ZNF610: variants seen among roughly 807,000 people sequenced by gnomAD.
ZNF610 encodes the protein zink finger protein.
In ZNF610, 14 loss-of-function variants were observed where a neutral mutation model predicts 14.1. The observed-to-expected ratio is 0.99, with a 90% CI of 0.65 to 1.55. ZNF610 has a LOEUF of 1.55. ZNF610 is among the 40% of genes most tolerant of loss of function. The pLI is 0.00. For missense variants in ZNF610, 530 were observed against 558.0 expected (o/e 0.95, Z 0.51); for synonymous variants, 185 against 187.6 (o/e 0.99, Z 0.11).
chr19:52,347,235 C>G (rs1413219667), intron 1 of ZNF610: 1 of 152,126 alleles, frequency 6.6e-6, no homozygotes, highest in Non-Finnish European at 1.5e-5. Flanking sequence ...TGGTCCCCAC[C>G]CTGTGTAGGC....
rs1178952392 is a variant in ZNF610 at position 52,366,979 on chromosome 19, A to G, written c.*212A>G. 2 of 500,326 alleles carry G rather than the reference A, an allele frequency of 4.0e-6. No individual in the cohort carries two copies. The highest frequency in any genetic ancestry group is 6.9e-6 in the Non-Finnish European group (2 of 288,512). 31.0% of individuals were successfully genotyped at this position (500,326 alleles called of 1,614,324 possible). On this transcript the variant is annotated 3_prime_UTR_variant, in exon 6 of 6. Coordinates refer to ENST00000403906, the MANE Select transcript of ZNF610 (RefSeq NM_001161425.2). ...ATAAAGAGAGAACAGTTATATCAGAATAGAGCATTTAATGAAAACTACCAG... is the reference window on the plus strand; with the variant it reads ...ATAAAGAGAGAACAGTTATATCAGAGTAGAGCATTTAATGAAAACTACCAG...
chr19:52,331,225 G>A, the ZNF610 span, among the ~76,000 whole-genome samples: 25 of 152,182 alleles, frequency 1.6e-4, no homozygotes, highest in African/African-American at 6.0e-4. Flanking sequence ...TTGATAGGAT[G>A]TGATAAAAAT....
chr19:52,336,336 C>A lies in ZNF610; in HGVS notation c.-428C>A. 3.5e-6 allele frequency: 1 copy of A among 288,348 alleles called. No individual in the cohort carries two copies. Among genetic ancestry groups the A allele is most frequent in the Non-Finnish European group, 6.5e-6 (1 of 153,292 alleles). The allele number at this position is 288,348 out of a possible 1,614,324, so 17.9% of individuals were successfully genotyped here. Reference sequence around the variant, plus strand: ...TTCAATCTGGGCTTCCCAGCTCCCCCGCGCTTCTGTACCCGGGATCTGAGA... The same window carrying A: ...TTCAATCTGGGCTTCCCAGCTCCCCAGCGCTTCTGTACCCGGGATCTGAGA... On this transcript the variant is annotated 5_prime_UTR_variant, in exon 1 of 6. Coordinates refer to ENST00000403906, the MANE Select transcript of ZNF610 (RefSeq NM_001161425.2).
intron 2 of ZNF610, 51 bp from the exon 3 acceptor site, chr19:52,349,103 G>T: frequency 2.9e-6 from 4 of 1,357,732 alleles, no homozygotes; most frequent in Non-Finnish European, 4.2e-6. Flanking sequence ...GTGGCATAGG[G>T]AGGGGAATGT....
chr19:52,354,580 A>ATT (rs201439857), intron 5 of ZNF610, among the ~76,000 whole-genome samples: 64 of 123,636 alleles, frequency 5.2e-4, no homozygotes, highest in Admixed American at 8.5e-4. Context: ...AAGCCATACT[A>ATT]TTTTTTTTTT....
At chr19:52,346,325 C>T (rs1024151888) in intron 1 of ZNF610, among the ~76,000 whole-genome samples, 1 of 150,832 alleles carries the variant, frequency 6.6e-6, no homozygotes, top group African/African-American at 2.5e-5. Flanking sequence ...CCACCATGCC[C>T]AGCTAATTTT....
intron 1 of ZNF610, among the ~76,000 whole-genome samples, chr19:52,343,134 A>G (rs1381092114): frequency 6.6e-6 from 1 of 152,196 alleles, no homozygotes; most frequent in Non-Finnish European, 1.5e-5. Context: ...TATCCCCAGC[A>G]GTCCTGCACA....
chr19:52,348,757 T>A (rs918195504), intron 2 of ZNF610, among the ~76,000 whole-genome samples: 9 of 152,184 alleles, frequency 5.9e-5, no homozygotes, highest in Admixed American at 1.3e-4. Context: ...TCCAGTGTGT[T>A]CTGTCTCTGG....
At chr19:52,350,836 A>G (rs564190827) in intron 3 of ZNF610, among the ~76,000 whole-genome samples, 19 of 151,818 alleles carry the variant, frequency 1.3e-4, no homozygotes, top group Admixed American at 2.0e-4. Context: ...CTCCATCTCT[A>G]CTAAAAACAG....
intron 5 of ZNF610, 26 bp from the exon 6 acceptor site, chr19:52,365,672 A>G (rs977460800): frequency 6.4e-7 from 1 of 1,566,126 alleles, no homozygotes; most frequent in Non-Finnish European, 8.6e-7. Context: ...TCATGGGTTC[A>G]TGTTCTACTC....
intron 1 of ZNF610, among the ~76,000 whole-genome samples, chr19:52,341,405 A>T (rs960048510): frequency 2.7e-5 from 4 of 150,006 alleles, no homozygotes; most frequent in African/African-American, 9.8e-5. Flanking sequence ...TGCCTCCCGG[A>T]TTCAAGCGAT....
At chr19:52,349,954 A>G (rs1420795942) in intron 3 of ZNF610, among the ~76,000 whole-genome samples, 1 of 152,164 alleles carries the variant, frequency 6.6e-6, no homozygotes, top group African/African-American at 2.4e-5. Context: ...TCTGATTTTT[A>G]CTACATTTGA....
chr19:52,344,516 A>C (rs1984845199), intron 1 of ZNF610, among the ~76,000 whole-genome samples: 1 of 152,134 alleles, frequency 6.6e-6, no homozygotes, highest in South Asian at 2.1e-4. Flanking sequence ...GCTCAGCCCT[A>C]GTCTCACATT....
In ZNF610 at chr19:52,354,382, A is replaced by T; in HGVS notation, c.319+3A>T. The T allele has an allele frequency of 6.2e-7, 1 of 1,613,746 alleles. No individual in the cohort carries two copies. Among genetic ancestry groups the T allele is most frequent in the Non-Finnish European group, 8.5e-7 (1 of 1,179,780 alleles). ...ATGTGTCAGAAGCGTGAACACAGGT[A>T]AGAGCTCTGATGGGCAGTGTGGAGG... On this transcript the variant is annotated splice_donor_region_variant and intron_variant, in intron 5 of 5. Coordinates refer to ENST00000403906, the MANE Select transcript of ZNF610 (RefSeq NM_001161425.2).
At chr19:52,343,040 C>G (rs1984761828) in intron 1 of ZNF610, among the ~76,000 whole-genome samples, 1 of 151,960 alleles carries the variant, frequency 6.6e-6, no homozygotes, top group African/African-American at 2.4e-5. Flanking sequence ...TGTGTCCACT[C>G]GTGTTCTGGA....
intron 5 of ZNF610, among the ~76,000 whole-genome samples, chr19:52,363,877 C>T (rs1356787272): frequency 6.6e-6 from 1 of 152,176 alleles, no homozygotes; most frequent in Non-Finnish European, 1.5e-5. Context: ...CATCTTGTCA[C>T]ATATTAGCTG....
rs1329167455 is a variant in ZNF610, at chr19:52,347,692, TA to T, written c.-257-14del. On this transcript the variant is annotated splice_polypyrimidine_tract_variant and intron_variant, in intron 1 of 5. Coordinates refer to ENST00000403906, the MANE Select transcript of ZNF610 (RefSeq NM_001161425.2). ...CCACCATGCCTTGACTTATTTCTTG[TA>T]TTTTTTTTTGTAGACACAGGAGTGT... The T allele has an allele frequency of 2.0e-5, 3 of 152,166 alleles. No homozygotes were observed. The East Asian group carries it at 5.8e-4, about 29-fold the overall frequency. The allele number at this position is 152,166 out of a possible 1,614,324, so 9.4% of individuals were successfully genotyped here. A position where few individuals can be genotyped will look rare whatever the true frequency, so the allele number is the denominator to read the frequency against.
rs144822211 is a variant in ZNF610 at position 52,355,537 on chromosome 19, A to G, written c.319+1158A>G. 3.2e-3 allele frequency among the ~76,000 whole-genome samples: 486 copies of G among 152,324 alleles called. 2 individuals carry two copies. Among genetic ancestry groups the G allele is most frequent in the African/African-American group, 0.011 (456 of 41,574 alleles). The stretch of plus-strand genomic sequence containing the variant: ...TCACTGGATCTTTACTGGGTTTTCT[A>G]TAATTCATTTCTAACACTGTCTACC... On this transcript the variant is annotated intron_variant, in intron 5 of 5. Transcript: ENST00000403906.
chr19:52,354,283 A>T lies in ZNF610; in HGVS notation c.223A>T (p.Met75Leu). 1 of 1,614,146 alleles carries T rather than the reference A, an allele frequency of 6.2e-7. No individual in the cohort carries two copies. ...TCTTCCTGACCTAAGTATTATTTCC[A>T]TGTTGAAGCAAAGGAGAGAGCCCTT... is the stretch of plus-strand genomic sequence containing the variant. ...ICLPDLSIIS[M>L]LKQRREPLIL... Residue 75 changes from methionine to leucine, a missense_variant, in exon 5 of 6, where the codon ATG (methionine) becomes TTG (leucine). Transcript: ENST00000403906.
Sources: gnomAD v4.1 joint callset for allele counts (sites outside exome capture counted in the v4.1 genomes callset) on GRCh38, gnomAD v4.1.1 for gene constraint, MANE v1.5 for transcripts, NCBI Gene and HGNC (gene_info 2026-07-23, HGNC 2026-07-21) for gene names.